ORC2: variants seen among roughly 807,000 people sequenced by gnomAD.
ORC2 encodes origin recognition complex subunit 2.
A neutral mutation model predicts 77.7 loss-of-function variants in ORC2; 37 were observed. That is an observed-to-expected ratio of 0.48 (90% CI 0.37 to 0.63). ORC2 has a LOEUF of 0.63. ORC2 is among the 20% of genes least tolerant of loss of function. ORC2 has a pLI of 0.00. For missense variants in ORC2, 557 were observed against 661.9 expected (o/e 0.84, Z 1.74); for synonymous variants, 201 against 229.5 (o/e 0.88, Z 1.12).
chr2:200,922,246 C>T (rs2040773476), intron 13 of ORC2, among the ~76,000 whole-genome samples: 1 of 151,308 alleles, frequency 6.6e-6, no homozygotes. Context: ...GAGCTGTTGA[C>T]ACTATCAAAT....
Position 200,941,187 on chromosome 2 carries a change from A to G in ORC2, c.453+61T>C. ...TCAATTTTTTCATTGAATTTCTGGCAATTTTTCATCATGTCTTACTTTGTA... is the reference window on the plus strand; with the variant it reads ...TCAATTTTTTCATTGAATTTCTGGCGATTTTTCATCATGTCTTACTTTGTA... On this transcript the variant is annotated intron_variant, in intron 7 of 17. Transcript: ENST00000234296. The G allele has an allele frequency of 5.8e-6, 8 of 1,374,398 alleles. No individual in the cohort carries two copies. The South Asian group carries it at 1.0e-4, about 17-fold the overall frequency. 85.1% of individuals were successfully genotyped at this position (1,374,398 alleles called of 1,614,324 possible). A position where few individuals can be genotyped will look rare whatever the true frequency, so the allele number is the denominator to read the frequency against.
chr2:200,913,262 C>T, intron 17 of ORC2, 33 bp downstream of exon 17: 1 of 1,485,974 alleles, frequency 6.7e-7, no homozygotes, highest in Non-Finnish European at 9.2e-7. Flanking sequence ...CGGACTATTC[C>T]TGGCATACAA....
chr2:200,925,737 AAAT>A (rs1302875557), intron 13 of ORC2, 96 bp downstream of exon 13: 176 of 381,456 alleles, frequency 4.6e-4, no homozygotes, highest in East Asian at 1.1e-3. Flanking sequence ...ACTGTCTCAA[AAAT>A]AATAATAATA....
At chr2:200,957,609 A>G in intron 3 of ORC2, 65 bp from the exon 4 acceptor site, 1 of 1,133,314 alleles carries the variant, frequency 8.8e-7, no homozygotes, top group Non-Finnish European at 1.2e-6. Flanking sequence ...TTACATTTAA[A>G]TAAGAAATTA....
chr2:200,954,904 G>GAATGAATA (rs549218395), intron 4 of ORC2, among the ~76,000 whole-genome samples: 17 of 144,732 alleles, frequency 1.2e-4, no homozygotes, highest in African/African-American at 2.1e-4. Flanking sequence ...ATGAATGAAT[G>GAATGAATA]AATAAATAAA....
intron 1 of ORC2, among the ~76,000 whole-genome samples, chr2:200,961,442 G>C (rs1424443126): frequency 6.6e-6 from 1 of 152,214 alleles, no homozygotes; most frequent in African/African-American, 2.4e-5. Flanking sequence ...GTGAACCACT[G>C]TGCTGGACGC....
At chr2:200,942,850 C>T in intron 5 of ORC2, 73 bp from the exon 6 acceptor site, 1 of 828,202 alleles carries the variant, frequency 1.2e-6, no homozygotes, top group Non-Finnish European at 1.8e-6. Context: ...CCTTATTACG[C>T]TTACAAAAAT....
chr2:200,913,625 G>T, intron 16 of ORC2: 1 of 1,298,914 alleles, frequency 7.7e-7, no homozygotes, highest in Non-Finnish European at 9.8e-7. Context: ...TTGCCAAAGG[G>T]GAAGAAAATC....
intron 13 of ORC2, among the ~76,000 whole-genome samples, chr2:200,925,349 T>C (rs1314241525): frequency 6.6e-6 from 1 of 152,050 alleles, no homozygotes; most frequent in East Asian, 1.9e-4. Flanking sequence ...CTTAAGAAAG[T>C]GGGACTAACA....
At chr2:200,919,043 C>A (rs146705221) in intron 15 of ORC2, among the ~76,000 whole-genome samples, 1 of 152,254 alleles carries the variant, frequency 6.6e-6, no homozygotes, top group Non-Finnish European at 1.5e-5. Context: ...GTTGCCCAGG[C>A]TGGTCTCAAG....
chr2:200,946,915 T>C (rs2041259893), intron 5 of ORC2, among the ~76,000 whole-genome samples: 1 of 152,106 alleles, frequency 6.6e-6, no homozygotes. Flanking sequence ...TAATTTCTTG[T>C]TTTTTCAGAT....
Position 200,957,573 on chromosome 2 carries a change from T to G in ORC2, c.95-29A>C, listed in dbSNP as rs754190171. The G allele has an allele frequency of 1.2e-5, 18 of 1,520,978 alleles. No individual in the cohort carries two copies. In the Admixed American group the frequency reaches 3.9e-4, roughly 33 times the overall value. The allele number at this position is 1,520,978 out of a possible 1,614,324, so 94.2% of individuals were successfully genotyped here. On this transcript the variant is annotated intron_variant, in intron 3 of 17. Coordinates refer to ENST00000234296, the MANE Select transcript of ORC2 (RefSeq NM_006190.5). ...TAAGAACATCCAAAGAAATAGAGCATGACAGGTATAAATTCTTTCTAAACA... is the reference window on the plus strand; with the variant it reads ...TAAGAACATCCAAAGAAATAGAGCAGGACAGGTATAAATTCTTTCTAAACA...
chr2:200,947,609 A>C lies in ORC2; in HGVS notation c.328+1945T>G, dbSNP rs560256505. On this transcript the variant is annotated intron_variant, in intron 5 of 17. Transcript: ENST00000234296. Reference sequence around the variant, plus strand: ...TTGTTCCTGACTTTTTGGTATTTCCAAACTTTGTATTTATATACCTTTATA... The same window carrying C: ...TTGTTCCTGACTTTTTGGTATTTCCCAACTTTGTATTTATATACCTTTATA... Among the ~76,000 whole-genome samples the C allele has an allele frequency of 2.6e-5, 4 of 152,360 alleles. No homozygotes were observed. The South Asian group carries it at 8.3e-4, about 32-fold the overall frequency.
chr2:200,939,081 GCTAATCCCTTACCAA>G (rs2041101436), intron 7 of ORC2, among the ~76,000 whole-genome samples: 1 of 150,814 alleles, frequency 6.6e-6, no homozygotes, highest in Non-Finnish European at 1.5e-5. Context: ...TAATAACTGA[GCTAATCCCTTACCAA>G]TGGAATTACA....
At chr2:200,949,235 C>T (rs1251100426) in intron 5 of ORC2, among the ~76,000 whole-genome samples, 1 of 148,348 alleles carries the variant, frequency 6.7e-6, no homozygotes, top group Non-Finnish European at 1.5e-5. Context: ...AGTGAGACTC[C>T]ACCTTTAAAA....
intron 12 of ORC2, among the ~76,000 whole-genome samples, chr2:200,926,422 A>T (rs969545119): frequency 1.3e-5 from 2 of 152,224 alleles, no homozygotes; most frequent in African/African-American, 4.8e-5. Context: ...GTTGCATTTT[A>T]AAGCATTTTC....
intron 15 of ORC2, among the ~76,000 whole-genome samples, chr2:200,919,063 G>A (rs1040453854): frequency 1.3e-4 from 20 of 152,002 alleles, no homozygotes; most frequent in Non-Finnish European, 2.5e-4. Flanking sequence ...GGTCCCAGCT[G>A]GAGCAATCCT....
rs548637728 is a variant in ORC2 at position 200,946,765 on chromosome 2, C to A, written c.328+2789G>T. Among the ~76,000 whole-genome samples the A allele has an allele frequency of 3.3e-5, 5 of 152,276 alleles. No homozygotes were observed. In the East Asian group the frequency reaches 7.7e-4, roughly 23 times the overall value. ...TTCTCCTCTTTCTCCAGTGGTATTTCTTTGTCCTGCACCATTGTCCTAGGG... is the reference window on the plus strand; with the variant it reads ...TTCTCCTCTTTCTCCAGTGGTATTTATTTGTCCTGCACCATTGTCCTAGGG... On this transcript the variant is annotated intron_variant, in intron 5 of 17. Coordinates refer to ENST00000234296, the MANE Select transcript of ORC2 (RefSeq NM_006190.5).
At chr2:200,948,453 G>A (rs1380671616) in intron 5 of ORC2, among the ~76,000 whole-genome samples, 3 of 152,160 alleles carry the variant, frequency 2.0e-5, no homozygotes, top group Non-Finnish European at 1.5e-5. Context: ...GGTATAGGTG[G>A]TAACTCAAGT....
Sources: gnomAD v4.1 joint callset for allele counts (sites outside exome capture counted in the v4.1 genomes callset) on GRCh38, gnomAD v4.1.1 for gene constraint, MANE v1.5 for transcripts, NCBI Gene and HGNC (gene_info 2026-07-23, HGNC 2026-07-21) for gene names.